Variants in MAN2A1 observed in about 807,000 individuals in gnomAD.
MAN2A1 encodes alpha-mannosidase 2.
In MAN2A1, 76 loss-of-function variants were observed where a neutral mutation model predicts 142.6. That is an observed-to-expected ratio of 0.53 (90% CI 0.44 to 0.65). The LOEUF is 0.65. Among genes scored for constraint, MAN2A1 ranks in the 30% least tolerant of loss-of-function variants. The pLI is 0.00. For missense variants in MAN2A1, 1,311 were observed against 1,365.1 expected (o/e 0.96, Z 0.62); for synonymous variants, 559 against 473.2 (o/e 1.18, Z -2.35).
rs1751232039 is a variant in MAN2A1, at chr5:109,709,385, CAA to C, written c.136-4133_136-4132del. Among the ~76,000 whole-genome samples, 9 of 152,192 alleles carry C rather than the reference CAA, an allele frequency of 5.9e-5. No individual in the cohort carries two copies. The South Asian group carries it at 1.9e-3, about 32-fold the overall frequency. On this transcript the variant is annotated intron_variant, in intron 1 of 21. Transcript: ENST00000261483. ...AGGGTTTAATCAAAAGGGCAAAGAA[CAA>C]AGCCTTGGAGCAGTTGAGATAAATG...
chr5:109,730,337 A>G (rs1197419028), intron 4 of MAN2A1, among the ~76,000 whole-genome samples: 1 of 151,766 alleles, frequency 6.6e-6, no homozygotes, highest in Non-Finnish European at 1.5e-5. Flanking sequence ...TTATACATAT[A>G]CTCCTTAACT....
rs1755228080 is a variant in MAN2A1 at position 109,842,331 on chromosome 5, TAGA to T, written c.2573_2575del (p.Glu858del). On this transcript the variant is annotated inframe_deletion, in exon 17 of 22. Transcript: ENST00000261483. ...ATATATATTTTTTTAAATTTAGGAA[TAGA>T]AGGACAGTCTGTGGAAGTTTCCAAT... 6.5e-7 allele frequency: 1 copy of T among 1,539,642 alleles called. No individual in the cohort carries two copies. The highest frequency in any genetic ancestry group is 8.8e-7 in the Non-Finnish European group (1 of 1,136,090).
At chr5:109,741,418 T>C (rs1196294260) in intron 4 of MAN2A1, among the ~76,000 whole-genome samples, 6 of 152,236 alleles carry the variant, frequency 3.9e-5, no homozygotes, top group African/African-American at 1.4e-4. Flanking sequence ...TATTTAAGTT[T>C]GCTCCTGTTA....
intron 1 of MAN2A1, among the ~76,000 whole-genome samples, chr5:109,697,598 AGCCAT>A (rs2112539700): frequency 6.6e-6 from 1 of 152,342 alleles, no homozygotes; most frequent in East Asian, 1.9e-4. Flanking sequence ...TTCATGACAT[AGCCAT>A]GGTCATTCAT....
At chr5:109,822,764 G>A (rs1358664625) in intron 15 of MAN2A1, among the ~76,000 whole-genome samples, 1 of 151,818 alleles carries the variant, frequency 6.6e-6, no homozygotes, top group African/African-American at 2.4e-5. Flanking sequence ...TGCAAGCTCC[G>A]CCTCCTGGGT....
In MAN2A1 at chr5:109,855,188, A is replaced by T. The variant is rs750527106; in HGVS notation, c.3025A>T (p.Thr1009Ser). ...VSYPSLLSHI[T>S]SSLMNHPVIP... is the part of the protein sequence containing the mutation. ...TTATCCTTCTCTCCTTAGCCACATA[A>T]CTTCTTCTCTCATGAATCATCCAGT... Residue 1009 changes from threonine (T) to serine (S), a missense_variant, in exon 20 of 22, where the codon ACT becomes TCT. Thr to Ser is a moderately conservative substitution (Grantham distance 58). Transcript: ENST00000261483. 6 of 1,600,672 alleles carry T rather than the reference A, an allele frequency of 3.7e-6. No homozygotes were observed. In the Admixed American group the frequency reaches 1.0e-4, roughly 28 times the overall value.
intron 9 of MAN2A1, 136 bp from the exon 10 acceptor site, chr5:109,784,608 T>C: frequency 1.6e-6 from 1 of 621,258 alleles, no homozygotes; most frequent in South Asian, 2.4e-5. Context: ...TGAACTATTA[T>C]TACCAATATC....
intron 19 of MAN2A1, among the ~76,000 whole-genome samples, chr5:109,850,189 G>A (rs1416896299): frequency 6.6e-6 from 1 of 152,128 alleles, no homozygotes; most frequent in Non-Finnish European, 1.5e-5. Context: ...GATTGTTCCT[G>A]GCAGAGGACA....
At chr5:109,737,334 A>C (rs1236550867) in intron 4 of MAN2A1, among the ~76,000 whole-genome samples, 1 of 149,678 alleles carries the variant, frequency 6.7e-6, no homozygotes, top group African/African-American at 2.5e-5. Flanking sequence ...CCTGCCTTGA[A>C]CTCTGGTCTT....
Position 109,868,396 on chromosome 5 carries a change from T to C in MAN2A1, c.*1398T>C, listed in dbSNP as rs1306094431. On this transcript the variant is annotated 3_prime_UTR_variant, in exon 22 of 22. Transcript: ENST00000261483. ...CCTTAACATTAAAATAATAGCGACA[T>C]TTAGACTATGCAATTTTAGCATAGA... The C allele has an allele frequency of 6.6e-6, 1 of 152,214 alleles. No homozygotes were observed. The allele number at this position is 152,214 out of a possible 1,614,324, so 9.4% of individuals were successfully genotyped here.
At chr5:109,769,960 G>A (rs1283168740) in intron 6 of MAN2A1, among the ~76,000 whole-genome samples, 1 of 152,074 alleles carries the variant, frequency 6.6e-6, no homozygotes, top group Non-Finnish European at 1.5e-5. Context: ...TAATATCATG[G>A]TATCTCTCAG....
Position 109,767,597 on chromosome 5 carries a change from C to T in MAN2A1, c.898C>T (p.Leu300Phe). Residue 300 changes from leucine (L) to phenylalanine (F), a missense_variant, in exon 6 of 22, where the codon CTT becomes TTT. This residue lies in a region of MAN2A1 where 409 missense variants were observed against 412.7 expected (regional missense o/e 0.99). Transcript: ENST00000261483. ...TGGACACTCACCAACAATGGCTTAT[C>T]TTCTAAACCGTGCTGGACTTTCTCA... ...PFGHSPTMAY[L>F]LNRAGLSHML... The T allele has an allele frequency of 1.2e-6, 2 of 1,613,800 alleles. No homozygotes were observed. Among genetic ancestry groups the T allele is most frequent in the Middle Eastern group, 1.7e-4 (1 of 6,058 alleles).
At position 109,784,900 on chromosome 5, in the gene MAN2A1, C is replaced by G; in HGVS notation, c.1734C>G (p.Asp578Glu). Residue 578 changes from aspartate (D) to glutamate (E), a missense_variant, in exon 10 of 22, where the codon GAC becomes GAG. Transcript: ENST00000261483. ...ATGCTATCACAGGAACTGCAAAAGA[C>G]TGGGTGGTTGTGGATTATGGTACCA... The part of the protein sequence containing the change: ...HHDAITGTAK[D>E]WVVVDYGTRL... 2 of 1,600,494 alleles carry G rather than the reference C, an allele frequency of 1.2e-6. No homozygotes were observed. Among genetic ancestry groups the G allele is most frequent in the Admixed American group, 3.5e-5 (2 of 56,390 alleles).
In MAN2A1 at chr5:109,716,097, T is replaced by G. The variant is rs765978928; in HGVS notation, c.391-23T>G. On this transcript the variant is annotated intron_variant, in intron 2 of 21. Transcript: ENST00000261483. ...TAAATTAATAATTGTTAAACTTTAA[T>G]TTTTTTTCTTTTACATTTTTAGATG... The G allele has an allele frequency of 2.0e-6, 3 of 1,525,420 alleles. No homozygotes were observed. The African/African-American group carries it at 4.2e-5, about 21-fold the overall frequency. The allele number at this position is 1,525,420 out of a possible 1,614,324, so 94.5% of individuals were successfully genotyped here.
chr5:109,793,265 A>G (rs1753780746), intron 12 of MAN2A1, among the ~76,000 whole-genome samples: 1 of 152,156 alleles, frequency 6.6e-6, no homozygotes, highest in Non-Finnish European at 1.5e-5. Context: ...TGGGTCACTC[A>G]TATGGCTGGC....
At chr5:109,839,435 C>A (rs949066594) in intron 16 of MAN2A1, among the ~76,000 whole-genome samples, 2 of 151,526 alleles carry the variant, frequency 1.3e-5, no homozygotes, top group African/African-American at 2.4e-5. Context: ...CTTTGCAGGT[C>A]CTTGTAATAA....
chr5:109,755,607 A>G (rs528494420), intron 5 of MAN2A1, 151 bp downstream of exon 5: 3 of 630,478 alleles, frequency 4.8e-6, no homozygotes, highest in East Asian at 2.9e-5. Context: ...GATATTTCTT[A>G]GCTCATAAAC....
In MAN2A1 at chr5:109,847,806, T is replaced by C. The variant is rs761359308; in HGVS notation, c.2976+16T>C. The C allele has an allele frequency of 4.0e-6, 6 of 1,497,584 alleles. No homozygotes were observed. In the Admixed American group the frequency reaches 1.1e-4, roughly 27 times the overall value. The allele number at this position is 1,497,584 out of a possible 1,614,324, so 92.8% of individuals were successfully genotyped here. A position where few individuals can be genotyped will look rare whatever the true frequency, so the allele number is the denominator to read the frequency against. On this transcript the variant is annotated intron_variant, in intron 19 of 21. Coordinates refer to ENST00000261483, the MANE Select transcript of MAN2A1 (RefSeq NM_002372.4). Reference sequence around the variant, plus strand: ...TGTTAATACGGTATGAAAAAATAACTAGCATGATCTGATATTGATTGTTCT... The same window carrying C: ...TGTTAATACGGTATGAAAAAATAACCAGCATGATCTGATATTGATTGTTCT...
intron 3 of MAN2A1, among the ~76,000 whole-genome samples, chr5:109,727,963 A>G (rs1372431719): frequency 6.6e-6 from 1 of 152,292 alleles, no homozygotes; most frequent in African/African-American, 2.4e-5. Flanking sequence ...TTTTAGTTAA[A>G]TGTGGAAAAA....
Sources: gnomAD v4.1 joint callset for allele counts (sites outside exome capture counted in the v4.1 genomes callset) on GRCh38, gnomAD v4.1.1 for gene constraint, gnomAD v4.1.1 regional missense constraint, MANE v1.5 for transcripts, NCBI Gene and HGNC (gene_info 2026-07-23, HGNC 2026-07-21) for gene names.